The following IL32 variants were observed in gnomAD, a reference collection of about 807,000 sequenced individuals.
The protein encoded by IL32 is interleukin 32.
In IL32, 30 loss-of-function variants were observed where a neutral mutation model predicts 16.6. That is an observed-to-expected ratio of 1.81 (90% CI 1.35 to 2.45). The LOEUF (loss-of-function observed/expected upper bound fraction) is 2.45, where lower values mean the gene tolerates loss of function less well. IL32 is among the 30% of genes most tolerant of loss of function. The pLI, the probability that IL32 is intolerant of heterozygous loss-of-function variation, is 0.00. For missense variants in IL32, 234 were observed against 229.8 expected (o/e 1.02, Z -0.12); for synonymous variants, 70 against 86.1 (o/e 0.81, Z 1.03).
rs1205069320 is a variant in IL32, at chr16:3,068,029, C to G, written c.141+19C>G. The G allele has an allele frequency of 1.9e-6, 3 of 1,613,804 alleles. No individual in the cohort carries two copies. The highest frequency in any genetic ancestry group is 1.1e-5 in the South Asian group (1 of 91,084). ...GCTGGAGGTGAGCCGTGGCCTCCCC[C>G]TCCACCAAGCTTAGTCCCTGGGTCT... is the stretch of plus-strand genomic sequence containing the variant. On this transcript the variant is annotated intron_variant, in intron 5 of 6. Transcript: ENST00000525643.
At chr16:3,066,507 C>T (rs1432957985) in intron 2 of IL32, among the ~76,000 whole-genome samples, 1 of 152,084 alleles carries the variant, frequency 6.6e-6, no homozygotes, top group African/African-American at 2.4e-5. Flanking sequence ...TGACTGTCAC[C>T]ACTCTATAGT....
rs371879409 is a variant in IL32 at position 3,068,018 on chromosome 16, G to A, written c.141+8G>A. 593 of 1,613,704 alleles carry A rather than the reference G, an allele frequency of 3.7e-4. No homozygotes were observed. The highest frequency in any genetic ancestry group is 4.9e-4 in the Non-Finnish European group (579 of 1,179,774). On this transcript the variant is annotated splice_region_variant and intron_variant, in intron 5 of 6. Coordinates refer to ENST00000525643, the MANE Select transcript of IL32 (RefSeq NM_001376923.1). Reference sequence around the variant, plus strand: ...AGCCTGGCAGAGCTGGAGGTGAGCCGTGGCCTCCCCCTCCACCAAGCTTAG... The same window carrying A: ...AGCCTGGCAGAGCTGGAGGTGAGCCATGGCCTCCCCCTCCACCAAGCTTAG...
At position 3,069,200 on chromosome 16, in the gene IL32, G is replaced by C. The variant is rs139497186; in HGVS notation, c.412G>C (p.Val138Leu). The C allele has an allele frequency of 6.9e-3, 11,074 of 1,613,666 alleles. No individual in the cohort carries two copies. The highest frequency in any genetic ancestry group is 8.6e-3 in the Non-Finnish European group (10,115 of 1,179,588). The stretch of plus-strand genomic sequence containing the variant: ...GGTGAAGGAGAAGGTGGTGGCCCTG[G>C]TCCATGCAGTGCAGGCCCTCTGGAA... ...AWVKEKVVAL[V>L]HAVQALWKQF... Residue 138 changes from valine to leucine, a missense_variant, in exon 7 of 7, where the codon GTC becomes CTC. This residue lies in a region of IL32 where 44 missense variants were observed against 103.1 expected (regional missense o/e 0.43). Coordinates refer to ENST00000525643, the MANE Select transcript of IL32 (RefSeq NM_001376923.1).
At chr16:3,065,502 TC>T, upstream of IL32, 1 of 522,666 alleles carries the variant, frequency 1.9e-6, no homozygotes, top group South Asian at 2.1e-5. Context: ...CGGGTAAGTC[TC>T]CATCTCTGTC....
intron 2 of IL32, among the ~76,000 whole-genome samples, chr16:3,066,600 CTG>C (rs1256154410): frequency 2.0e-5 from 3 of 152,006 alleles, no homozygotes; most frequent in Non-Finnish European, 4.4e-5. Context: ...CCTCTGGCCT[CTG>C]TGGATGCAGC....
At chr16:3,066,118 T>A (rs1216557673) in intron 2 of IL32, among the ~76,000 whole-genome samples, 3 of 152,144 alleles carry the variant, frequency 2.0e-5, no homozygotes, top group Non-Finnish European at 2.9e-5. Context: ...TGGAAACGAC[T>A]CGGAGAATGC....
intron 3 of IL32, 36 bp downstream of exon 3, chr16:3,067,451 G>A (rs774105849): frequency 2.5e-6 from 4 of 1,611,156 alleles, no homozygotes; most frequent in African/African-American, 1.3e-5. Flanking sequence ...AGGGGTTGGG[G>A]GCCTGGGTCT....
chr16:3,067,205 T>C (rs1956440234), intron 2 of IL32, among the ~76,000 whole-genome samples, 172 bp from the exon 3 acceptor site: 1 of 151,848 alleles, frequency 6.6e-6, no homozygotes, highest in Non-Finnish European at 1.5e-5. Context: ...CTGGCCGGTC[T>C]TTCCAGGCTG....
chr16:3,069,392 G>T lies in IL32; in HGVS notation c.*37G>T. 1 of 1,553,532 alleles carries T rather than the reference G, an allele frequency of 6.4e-7. No homozygotes were observed. Among genetic ancestry groups the T allele is most frequent in the South Asian group, 1.2e-5 (1 of 80,756 alleles). ...CCACCTTTGCCCTCCCCGTCACCGC[G>T]CACCCACCCTGACCCCTCCCTCAGC... On this transcript the variant is annotated 3_prime_UTR_variant, in exon 7 of 7. Transcript: ENST00000525643.
At position 3,066,989 on chromosome 16, in the gene IL32, T is replaced by C. The variant is rs1378240530; in HGVS notation, c.16-388T>C. On this transcript the variant is annotated intron_variant, in intron 2 of 6. Coordinates refer to ENST00000525643, the MANE Select transcript of IL32 (RefSeq NM_001376923.1). ...CCTGCTCTTGTGAGGAGGGGTCACC[T>C]AGGCCCACGCAGGCCCTGCTCTTGT... Among the ~76,000 whole-genome samples, 6 of 87,288 alleles carry C rather than the reference T, an allele frequency of 6.9e-5. 1 individual carries two copies. The East Asian group carries it at 2.4e-3, about 35-fold the overall frequency. 57.3% of individuals were successfully genotyped at this position (87,288 alleles called of 152,430 possible).
chr16:3,067,944 G>A (rs745502821), intron 4 of IL32, 40 bp from the exon 5 acceptor site: 1 of 1,612,686 alleles, frequency 6.2e-7, no homozygotes, highest in Admixed American at 1.7e-5. Context: ...GGGGTGCAGA[G>A]GAGGCTTGGG....
At chr16:3,068,049 G>T in intron 5 of IL32, 39 bp downstream of exon 5, 1 of 1,613,264 alleles carries the variant, frequency 6.2e-7, no homozygotes. Flanking sequence ...CTTAGTCCCT[G>T]GGTCTTAGGC....
At chr16:3,065,587 C>T (rs374421705), upstream of IL32, 103 of 638,234 alleles carry the variant, frequency 1.6e-4, 1 homozygote, top group East Asian at 1.7e-3. Context: ...AGAGAGGCTC[C>T]GCCCACTACC....
At chr16:3,068,696 T>C (rs912351547) in intron 6 of IL32, 1 of 474,202 alleles carries the variant, frequency 2.1e-6, no homozygotes, top group African/African-American at 2.0e-5. Flanking sequence ...ACAGCCTAGC[T>C]GGGACCTGCC....
chr16:3,067,938 T>G, intron 4 of IL32, 46 bp from the exon 5 acceptor site: 5 of 1,610,324 alleles, frequency 3.1e-6, no homozygotes, highest in Non-Finnish European at 4.2e-6. Context: ...TGATGTGGGG[T>G]GCAGAGGAGG....
chr16:3,067,821 A>G, intron 4 of IL32, 163 bp from the exon 5 acceptor site: 2 of 896,996 alleles, frequency 2.2e-6, no homozygotes, highest in Non-Finnish European at 3.6e-6. Context: ...TCCAAGCCCC[A>G]GGGCTCCTTG....
Position 3,067,937 on chromosome 16 carries a change from G to A in IL32, c.115-47G>A, listed in dbSNP as rs748819339. On this transcript the variant is annotated intron_variant, in intron 4 of 6. Coordinates refer to ENST00000525643, the MANE Select transcript of IL32 (RefSeq NM_001376923.1). ...GGGCTTGAGGACTGACTGATGTGGG[G>A]TGCAGAGGAGGCTTGGGCCTGGAAC... 3.1e-6 allele frequency: 5 copies of A among 1,610,038 alleles called. 1 individual carries two copies. In the South Asian group the frequency reaches 3.3e-5, roughly 11 times the overall value.
intron 6 of IL32, chr16:3,068,612 A>G (rs1023880517): frequency 7.3e-6 from 3 of 408,246 alleles, no homozygotes; most frequent in South Asian, 2.3e-5. Flanking sequence ...GGCCCAGCCA[A>G]CCCCTGCCCT....
intron 5 of IL32, 47 bp downstream of exon 5, chr16:3,068,057 G>C (rs557451943): frequency 1.2e-6 from 2 of 1,611,856 alleles, no homozygotes; most frequent in African/African-American, 1.3e-5. Flanking sequence ...CTGGGTCTTA[G>C]GCTCCACAGG....
Sources: gnomAD v4.1 joint callset for allele counts (sites outside exome capture counted in the v4.1 genomes callset) on GRCh38, gnomAD v4.1.1 for gene constraint, gnomAD v4.1.1 regional missense constraint, MANE v1.5 for transcripts, NCBI Gene and HGNC (gene_info 2026-07-23, HGNC 2026-07-21) for gene names.